SIPA1L2: variants seen among roughly 807,000 people sequenced by gnomAD.
SIPA1L2 encodes signal-induced proliferation-associated 1-like protein 2.
SIPA1L2 carries 56 observed loss-of-function variants against 163.9 expected under a neutral mutation model. The observed-to-expected ratio is 0.34, with a 90% CI of 0.28 to 0.43. SIPA1L2 has a LOEUF of 0.43. Ranked by LOEUF, SIPA1L2 falls within the 20% of genes least tolerant of loss-of-function variation. The pLI is 1.00. For synonymous variants in SIPA1L2, 877 were observed against 865.7 expected, an observed-to-expected ratio of 1.01 and a Z score of -0.23; for missense variants, 1,974 against 2,193.5, an observed-to-expected ratio of 0.90 and a Z score of 2.00.
At chr1:232,528,348 C>G (rs569859644) in intron 2 of SIPA1L2, among the ~76,000 whole-genome samples, 4 of 151,894 alleles carry the variant, frequency 2.6e-5, no homozygotes, top group Non-Finnish European at 4.4e-5. Flanking sequence ...GACTGTGTTT[C>G]CAGAGAATCA....
chr1:232,601,241 T>C (rs1661581260), intron 1 of SIPA1L2, among the ~76,000 whole-genome samples: 2 of 152,316 alleles, frequency 1.3e-5, no homozygotes, highest in Admixed American at 6.5e-5. Context: ...AAAAAGCCTA[T>C]GTGCCCAGTT....
rs1229557770 is a variant in SIPA1L2 at position 232,514,568 on chromosome 1, T to G, written c.772A>C (p.Ile258Leu). ...CTGTCCACATAATCTAATCCTGAGATGCGGACAAATTCTCCCCTAGAAATC... is the reference window on the plus strand; with the variant it reads ...CTGTCCACATAATCTAATCCTGAGAGGCGGACAAATTCTCCCCTAGAAATC... ...AQISRGEFVRISGLDYVDSAL... is the reference protein window; with the variant it reads ...AQISRGEFVRLSGLDYVDSAL... Residue 258 changes from isoleucine to leucine, a missense_variant, in exon 3 of 23, where the codon ATC becomes CTC. By Grantham distance (5) the Ile-to-Leu change is conservative. Around this residue, in one of 3 missense-constraint regions of SIPA1L2, gnomAD observed 607 missense variants for 624.0 expected, o/e 0.97. Coordinates refer to ENST00000674635, the MANE Select transcript of SIPA1L2 (RefSeq NM_020808.5). The G allele has an allele frequency of 6.2e-7, 1 of 1,614,198 alleles. No homozygotes were observed. Among genetic ancestry groups the G allele is most frequent in the Admixed American group, 1.7e-5 (1 of 60,024 alleles).
At chr1:232,601,138 C>T (rs1383685903) in intron 1 of SIPA1L2, among the ~76,000 whole-genome samples, 2 of 152,150 alleles carry the variant, frequency 1.3e-5, no homozygotes, top group South Asian at 2.1e-4. Flanking sequence ...ATTCACTCAG[C>T]CCCCAGGCTG....
intron 1 of SIPA1L2, among the ~76,000 whole-genome samples, chr1:232,591,011 A>C: frequency 6.6e-6 from 1 of 152,242 alleles, no homozygotes; most frequent in Non-Finnish European, 1.5e-5. Context: ...AAGCCGGGTA[A>C]ATCAGAACAC....
chr1:232,531,899 A>T (rs890331507), intron 2 of SIPA1L2, among the ~76,000 whole-genome samples: 6 of 152,190 alleles, frequency 3.9e-5, no homozygotes, highest in African/African-American at 1.4e-4. Context: ...AGCTCCAATC[A>T]GGGACTGGAA....
intron 1 of SIPA1L2, among the ~76,000 whole-genome samples, chr1:232,607,973 C>T (rs563907988): frequency 2.8e-5 from 4 of 145,144 alleles, no homozygotes; most frequent in Non-Finnish European, 6.0e-5. Flanking sequence ...GAAAATCACT[C>T]GAACTGGGGA....
chr1:232,474,007 T>C (rs897524906), intron 7 of SIPA1L2, among the ~76,000 whole-genome samples: 3 of 152,212 alleles, frequency 2.0e-5, no homozygotes, highest in Admixed American at 6.5e-5. Context: ...TAAAGGCAAA[T>C]GTTTTCTTTA....
intron 2 of SIPA1L2, among the ~76,000 whole-genome samples, chr1:232,552,558 T>TG (rs1477034609): frequency 6.6e-6 from 1 of 151,910 alleles, no homozygotes. Flanking sequence ...TTTGTAGAGC[T>TG]GGGGTCTTGC....
rs183214964 is a variant in SIPA1L2, at chr1:232,513,950, T to C, written c.1390A>G (p.Asn464Asp). 1.1e-4 allele frequency: 180 copies of C among 1,614,168 alleles called. No individual in the cohort carries two copies. The highest frequency in any genetic ancestry group is 1.4e-4 in the Non-Finnish European group (166 of 1,180,024). The change falls in exon 3 of 23, where the codon AAC (asparagine) becomes GAC (aspartate). Residue 464 changes from asparagine (N) to aspartate (D), a missense_variant. Asn to Asp is a conservative substitution (Grantham distance 23, BLOSUM62 1). Transcript: ENST00000674635. ...GVSVLEVPRE[N>D]QPIHREKVKR... Reference sequence around the variant, plus strand: ...ACTTTCTCCCTGTGAATAGGCTGGTTTTCTCTGGGCACTTCCAAGACGGAG... The same window carrying C: ...ACTTTCTCCCTGTGAATAGGCTGGTCTTCTCTGGGCACTTCCAAGACGGAG...
Position 232,574,426 on chromosome 1 carries a change from A to G in SIPA1L2, c.-318-204T>C, listed in dbSNP as rs545079942. Among the ~76,000 whole-genome samples, 157 of 147,232 alleles carry G rather than the reference A, an allele frequency of 1.1e-3. 1 individual carries two copies. The highest frequency in any genetic ancestry group is 3.7e-3 in the African/African-American group (151 of 40,432). Reference sequence around the variant, plus strand: ...CAGAGGTTGAGGAACATACGATAGCACAAGAGATTGAATGAAGAAGCAGGT... The same window carrying G: ...CAGAGGTTGAGGAACATACGATAGCGCAAGAGATTGAATGAAGAAGCAGGT... On this transcript the variant is annotated intron_variant, in intron 1 of 22. Transcript: ENST00000674635.
In SIPA1L2 at chr1:232,512,621, A is replaced by G. The variant is rs1464715955; in HGVS notation, c.1483+1236T>C. Among the ~76,000 whole-genome samples, 5 of 152,214 alleles carry G rather than the reference A, an allele frequency of 3.3e-5. No homozygotes were observed. The East Asian group carries it at 5.8e-4, about 18-fold the overall frequency. On this transcript the variant is annotated intron_variant, in intron 3 of 22. Coordinates refer to ENST00000674635, the MANE Select transcript of SIPA1L2 (RefSeq NM_020808.5). ...ATTCTCAGCAAACTAACACAGGAAC[A>G]GAAAACCAAACGCTGCATGTTCTCA...
At chr1:232,553,925 T>C (rs774403213) in intron 2 of SIPA1L2, among the ~76,000 whole-genome samples, 1 of 152,148 alleles carries the variant, frequency 6.6e-6, no homozygotes, top group African/African-American at 2.4e-5. Context: ...TGATAACCCA[T>C]GTTCATTCTT....
intron 1 of SIPA1L2, among the ~76,000 whole-genome samples, chr1:232,616,337 G>C (rs777884917): frequency 3.3e-5 from 5 of 152,160 alleles, no homozygotes; most frequent in African/African-American, 4.8e-5. Context: ...CACAAGACTA[G>C]AACAGAAGCC....
intron 12 of SIPA1L2, among the ~76,000 whole-genome samples, chr1:232,442,217 C>T (rs958749794): frequency 6.6e-6 from 1 of 151,410 alleles, no homozygotes; most frequent in South Asian, 2.1e-4. Flanking sequence ...GCTTAGAATA[C>T]ATGGCACTGA....
intron 7 of SIPA1L2, among the ~76,000 whole-genome samples, chr1:232,475,389 A>T (rs1377813462): frequency 6.6e-6 from 1 of 152,192 alleles, no homozygotes; most frequent in Non-Finnish European, 1.5e-5. Context: ...ACTTATACAT[A>T]CATATGCATG....
intron 1 of SIPA1L2, among the ~76,000 whole-genome samples, chr1:232,590,646 T>C (rs1397107551): frequency 6.6e-6 from 1 of 152,084 alleles, no homozygotes; most frequent in African/African-American, 2.4e-5. Flanking sequence ...GCCTCGCCCA[T>C]GCAACCAGCC....
intron 2 of SIPA1L2, among the ~76,000 whole-genome samples, chr1:232,517,584 A>G (rs1667270644): frequency 6.6e-6 from 1 of 152,244 alleles, no homozygotes; most frequent in South Asian, 2.1e-4. Context: ...ACTAGCTATT[A>G]TAATTTACTG....
intron 19 of SIPA1L2, 23 bp downstream of exon 19, chr1:232,415,471 G>A: frequency 6.3e-7 from 1 of 1,596,404 alleles, no homozygotes. Context: ...AAGGGGTGAG[G>A]CCAGAGGCTG....
At chr1:232,538,707 C>T (rs1164707507) in intron 2 of SIPA1L2, among the ~76,000 whole-genome samples, 1 of 151,056 alleles carries the variant, frequency 6.6e-6, no homozygotes, top group South Asian at 2.1e-4. Context: ...ACTATACACA[C>T]ATGTGCTTGT....
Sources: allele counts gnomAD v4.1 joint callset (sites outside exome capture counted in the v4.1 genomes callset), GRCh38; gene constraint gnomAD v4.1.1; regional missense constraint gnomAD v4.1.1; transcripts MANE v1.5; gene names NCBI Gene and HGNC (gene_info 2026-07-23, HGNC 2026-07-21).